The following DCN variants were observed in gnomAD, a reference collection of about 807,000 sequenced individuals.
DCN encodes the protein bone proteoglycan II.
DCN carries 17 observed loss-of-function variants against 36.5 expected under a neutral mutation model. The ratio of observed to expected loss-of-function variants is 0.47; its 90% CI spans 0.32 to 0.70. The LOEUF is 0.70. DCN is among the 30% of genes least tolerant of loss of function. DCN has a pLI of 0.04. For synonymous variants in DCN, 163 were observed against 161.4 expected (o/e 1.01, Z -0.07); for missense variants, 389 against 430.1 (o/e 0.90, Z 0.84).
At chr12:91,149,042 G>A (rs778199286) in intron 7 of DCN, among the ~76,000 whole-genome samples, 2 of 152,020 alleles carry the variant, frequency 1.3e-5, no homozygotes, top group Non-Finnish European at 2.9e-5. Flanking sequence ...ATATCAAGAC[G>A]TAAGTATTAG....
In DCN at chr12:91,182,758, G is replaced by T. The variant is rs959518527; in HGVS notation, c.-137C>A. Reference sequence around the variant, plus strand: ...GTTTGCAGGTGTGGAAAGGAGGAGGGGGTAGGTGCTGCTCTGTGACTAGGT... The same window carrying T: ...GTTTGCAGGTGTGGAAAGGAGGAGGTGGTAGGTGCTGCTCTGTGACTAGGT... On this transcript the variant is annotated 5_prime_UTR_variant, in exon 1 of 8. Transcript: ENST00000052754. 4 of 151,906 alleles carry T rather than the reference G, an allele frequency of 2.6e-5. No individual in the cohort carries two copies. The highest frequency in any genetic ancestry group is 2.9e-5 in the Non-Finnish European group (2 of 67,976). The allele number at this position is 151,906 out of a possible 1,614,324, so 9.4% of individuals were successfully genotyped here.
At chr12:91,159,682 A>G (rs1882037101) in intron 3 of DCN, among the ~76,000 whole-genome samples, 1 of 151,926 alleles carries the variant, frequency 6.6e-6, no homozygotes, top group Non-Finnish European at 1.5e-5. Context: ...TTCTCCTTAT[A>G]TAAGAAATTA....
chr12:91,156,145 A>G (rs940736682), intron 5 of DCN, among the ~76,000 whole-genome samples: 1 of 152,106 alleles, frequency 6.6e-6, no homozygotes, highest in Non-Finnish European at 1.5e-5. Context: ...TGTAATTCAC[A>G]AAGACTGGCT....
Position 91,172,888 on chromosome 12 carries a change from T to C in DCN, c.211+5454A>G, listed in dbSNP as rs1883063472. ...TCTTTTCTAGTGAAAAAAAATAAAATAGATATATAAAAAGATAAAAGATAT... is the reference window on the plus strand; with the variant it reads ...TCTTTTCTAGTGAAAAAAAATAAAACAGATATATAAAAAGATAAAAGATAT... On this transcript the variant is annotated intron_variant, in intron 2 of 7. Transcript: ENST00000052754. The C allele has an allele frequency of 4.9e-6, 3 of 609,732 alleles. No individual in the cohort carries two copies. In the African/African-American group the frequency reaches 5.6e-5, roughly 11 times the overall value. The allele number at this position is 609,732 out of a possible 1,614,324, so 37.8% of individuals were successfully genotyped here. A position where few individuals can be genotyped will look rare whatever the true frequency, so the allele number is the denominator to read the frequency against.
At chr12:91,167,788 C>T (rs1218890974) in intron 2 of DCN, among the ~76,000 whole-genome samples, 1 of 152,050 alleles carries the variant, frequency 6.6e-6, no homozygotes, top group Non-Finnish European at 1.5e-5. Flanking sequence ...AGATCAAGAA[C>T]CAGGATAGTT....
At chr12:91,156,883 A>G (rs1317669190) in intron 5 of DCN, among the ~76,000 whole-genome samples, 192 bp downstream of exon 5, 2 of 152,172 alleles carry the variant, frequency 1.3e-5, no homozygotes, top group East Asian at 3.8e-4. Flanking sequence ...GAATCACTGG[A>G]TATAACACTA....
chr12:91,180,266 T>C (rs940347778), intron 1 of DCN: 1 of 146,148 alleles, frequency 6.8e-6, no homozygotes, highest in Non-Finnish European at 1.5e-5. Context: ...TGAGTCATTA[T>C]CCAATTGTAG....
chr12:91,148,073 C>CTT (rs201463809), intron 7 of DCN, among the ~76,000 whole-genome samples: 6 of 140,638 alleles, frequency 4.3e-5, no homozygotes, highest in Admixed American at 7.1e-5. Context: ...ACAACAAGGT[C>CTT]TTTTTTTTTT....
rs1880734310 is a variant in DCN, at chr12:91,140,858, G to C, written c.*5200C>G. The stretch of plus-strand genomic sequence containing the variant: ...AGTAAATGGTGACTTCATCCTTCCA[G>C]TGGCCCAGGCCAAAATTCCTGAAGT... On this transcript the variant is annotated 3_prime_UTR_variant, in exon 8 of 8. Transcript: ENST00000052754. 1 of 152,206 alleles carries C rather than the reference G, an allele frequency of 6.6e-6. No homozygotes were observed. Among genetic ancestry groups the C allele is most frequent in the Non-Finnish European group, 1.5e-5 (1 of 68,064 alleles). 9.4% of individuals were successfully genotyped at this position (152,206 alleles called of 1,614,324 possible). A position where few individuals can be genotyped will look rare whatever the true frequency, so the allele number is the denominator to read the frequency against.
In DCN at chr12:91,165,894, C is replaced by T. The variant is rs3138217; in HGVS notation, c.212-1177G>A. 9.1e-3 allele frequency among the ~76,000 whole-genome samples: 1,388 copies of T among 152,088 alleles called. 24 individuals carry two copies. The highest frequency in any genetic ancestry group is 0.032 in the African/African-American group (1,318 of 41,514). On this transcript the variant is annotated intron_variant, in intron 2 of 7. Coordinates refer to ENST00000052754, the MANE Select transcript of DCN (RefSeq NM_001920.5). ...TAGCAGGACCAAGGCAGATATTGCCCGTGACTTCATAAAAATATAATTCAG... is the reference window on the plus strand; with the variant it reads ...TAGCAGGACCAAGGCAGATATTGCCTGTGACTTCATAAAAATATAATTCAG...
At chr12:91,169,209 C>T (rs1259029651) in intron 2 of DCN, among the ~76,000 whole-genome samples, 1 of 151,338 alleles carries the variant, frequency 6.6e-6, no homozygotes, top group Non-Finnish European at 1.5e-5. Flanking sequence ...CCAGCCTGGG[C>T]AACATAGCAA....
At chr12:91,167,941 G>A (rs1326889376) in intron 2 of DCN, among the ~76,000 whole-genome samples, 1 of 152,132 alleles carries the variant, frequency 6.6e-6, no homozygotes, top group Non-Finnish European at 1.5e-5. Flanking sequence ...CCCGATTCAA[G>A]CGATTCTCCT....
At chr12:91,177,378 CT>C (rs1389382910) in intron 2 of DCN, 2 of 562,906 alleles carry the variant, frequency 3.6e-6, no homozygotes, top group African/African-American at 1.9e-5. Flanking sequence ...TATAGGACTT[CT>C]GAAAGAAGTG....
chr12:91,164,754 A>C, intron 2 of DCN, 37 bp from the exon 3 acceptor site: 1 of 1,021,930 alleles, frequency 9.8e-7, no homozygotes, highest in Non-Finnish European at 1.6e-6. Flanking sequence ...TGTGAGTAGA[A>C]AGGACATGTG....
chr12:91,169,028 A>T (rs1356275822), intron 2 of DCN, among the ~76,000 whole-genome samples: 2 of 146,602 alleles, frequency 1.4e-5, no homozygotes, highest in Non-Finnish European at 3.0e-5. Flanking sequence ...CAAACAATTA[A>T]TCCTGAATCT....
At position 91,158,454 on chromosome 12, in the gene DCN, G is replaced by C. The variant is rs780683499; in HGVS notation, c.380C>G (p.Pro127Arg). ...ATAAAGTCGTTCCAACTTCACCAAA[G>C]GTGTAAATGCTCCAGGACTAACTTT... ...ISKVSPGAFT[P>R]LVKLERLYLS... is the part of the protein sequence containing the mutation. Residue 127 changes from proline (P) to arginine (R), a missense_variant, in exon 4 of 8, where the codon CCT becomes CGT. Pro to Arg is a moderately radical substitution (Grantham distance 103, BLOSUM62 -2). Transcript: ENST00000052754. 1.9e-6 allele frequency: 3 copies of C among 1,609,620 alleles called. No homozygotes were observed.
intron 2 of DCN, chr12:91,169,536 ATTG>A (rs1204376548): frequency 6.6e-6 from 1 of 152,082 alleles, no homozygotes; most frequent in East Asian, 1.9e-4. Context: ...TGGTAAGTGT[ATTG>A]TTAGATAAAA....
At chr12:91,150,976 A>T (rs938194601) in intron 7 of DCN, 1 of 152,804 alleles carries the variant, frequency 6.5e-6, no homozygotes, top group Non-Finnish European at 1.5e-5. Context: ...CATCATCCTC[A>T]GCAAACTAAC....
chr12:91,164,414 AAAAG>A (rs1882383313), intron 3 of DCN, among the ~76,000 whole-genome samples, 187 bp downstream of exon 3: 3 of 145,470 alleles, frequency 2.1e-5, no homozygotes, highest in African/African-American at 7.8e-5. Context: ...AAAAAAAAAA[AAAAG>A]AAAAAGAAAA....
Sources: allele counts gnomAD v4.1 joint callset (sites outside exome capture counted in the v4.1 genomes callset), GRCh38; gene constraint gnomAD v4.1.1; transcripts MANE v1.5; gene names NCBI Gene and HGNC (gene_info 2026-07-23, HGNC 2026-07-21).